The following KAZN variants were observed in gnomAD, a reference collection of about 807,000 sequenced individuals.
The protein encoded by KAZN is kazrin.
Under a neutral mutation model 87.4 loss-of-function variants are expected in KAZN, and 40 were observed. The observed-to-expected ratio is 0.46, with a 90% CI of 0.36 to 0.60. The LOEUF (loss-of-function observed/expected upper bound fraction) is 0.60, where lower values mean the gene tolerates loss of function less well. Ranked by LOEUF, KAZN falls within the 20% of genes least tolerant of loss-of-function variation. The probability of loss-of-function intolerance (pLI) is 0.00; values close to 1 mark genes in which losing one functional copy is unlikely to be tolerated. For missense variants in KAZN, 898 were observed against 1,073.9 expected (o/e 0.84, Z 2.29); for synonymous variants, 466 against 458.3 (o/e 1.02, Z -0.22).
chr1:14,018,124 G>C (rs753767673), intron 1 of KAZN, among the ~76,000 whole-genome samples: 3 of 152,186 alleles, frequency 2.0e-5, no homozygotes, highest in African/African-American at 2.4e-5. Flanking sequence ...AGCTAGCATA[G>C]AGTCACCTTA....
At chr1:14,241,030 A>C (rs1257534113) in intron 2 of KAZN, among the ~76,000 whole-genome samples, 2 of 152,236 alleles carry the variant, frequency 1.3e-5, no homozygotes, top group Admixed American at 1.3e-4. Flanking sequence ...ATGGGATCCC[A>C]CTTCTAAGGT....
chr1:14,918,204 G>C (rs955340538), intron 1 of KAZN, among the ~76,000 whole-genome samples: 4 of 152,160 alleles, frequency 2.6e-5, no homozygotes, highest in Non-Finnish European at 5.9e-5. Context: ...CTAATGAACA[G>C]AATAGGGAGA....
chr1:14,526,832 T>G (rs1178818187), intron 2 of KAZN, among the ~76,000 whole-genome samples: 1 of 152,182 alleles, frequency 6.6e-6, no homozygotes, highest in African/African-American at 2.4e-5. Flanking sequence ...GTATCCATCT[T>G]GAAAGAGATC....
rs562248199 is a variant in KAZN at position 14,321,075 on chromosome 1, G to A, written c.249+140483G>A. ...AACAGTAAAAGTCACAAAAATGTGC[G>A]GTAGCATTTCCTGGCAGCCCCAAGT... On this transcript the variant is annotated intron_variant, in intron 2 of 16. Coordinates refer to the KAZN transcript ENST00000636203. Among the ~76,000 whole-genome samples the A allele has an allele frequency of 1.6e-4, 25 of 152,202 alleles. 1 individual carries two copies. The highest frequency in any genetic ancestry group is 4.6e-4 in the African/African-American group (19 of 41,520).
At chr1:14,067,004 G>A (rs2101540360) in intron 1 of KAZN, among the ~76,000 whole-genome samples, 1 of 152,190 alleles carries the variant, frequency 6.6e-6, no homozygotes, top group East Asian at 1.9e-4. Context: ...CCTATCTCAA[G>A]TAGCTCCCTT....
intron 1 of KAZN, among the ~76,000 whole-genome samples, chr1:14,124,000 C>T (rs1441711579): frequency 6.6e-6 from 1 of 152,214 alleles, no homozygotes; most frequent in Non-Finnish European, 1.5e-5. Context: ...GAGCCCTCCC[C>T]ATTCATTCCG....
At position 14,946,702 on chromosome 1, in the gene KAZN, T is replaced by C. The variant is rs150680279; in HGVS notation, c.227-13982T>C. 3.0e-3 allele frequency among the ~76,000 whole-genome samples: 464 copies of C among 152,294 alleles called. 10 individuals carry two copies. The East Asian group carries it at 0.046, about 15-fold the overall frequency. The stretch of plus-strand genomic sequence containing the variant: ...GCCCCCGTTCACCTACTTCTCCTCT[T>C]AGCAGAATTATTTACATCTGCAGGG... On this transcript the variant is annotated intron_variant, in intron 1 of 14. Transcript: ENST00000376030.
chr1:14,775,924 C>T (rs1430542791), intron 1 of KAZN, among the ~76,000 whole-genome samples: 1 of 152,238 alleles, frequency 6.6e-6, no homozygotes, highest in Non-Finnish European at 1.5e-5. Flanking sequence ...ACCCAGGTCT[C>T]TTCCACATGG....
intron 1 of KAZN, among the ~76,000 whole-genome samples, chr1:14,900,794 G>A (rs1432519053): frequency 2.0e-5 from 3 of 151,560 alleles, no homozygotes; most frequent in Non-Finnish European, 2.9e-5. Context: ...CCACAGAAAG[G>A]ACCTAGCAAG....
intron 2 of KAZN, among the ~76,000 whole-genome samples, chr1:14,571,630 C>G (rs1455405536): frequency 6.6e-6 from 1 of 152,292 alleles, no homozygotes; most frequent in South Asian, 2.1e-4. Context: ...GGAGCGCCCC[C>G]ACTCCATCCC....
At chr1:14,280,687 T>G (rs926696129) in intron 2 of KAZN, among the ~76,000 whole-genome samples, 4 of 152,186 alleles carry the variant, frequency 2.6e-5, no homozygotes, top group African/African-American at 4.8e-5. Flanking sequence ...TTTCTCTTGT[T>G]TCAGCCACCC....
chr1:13,932,258 ATT>A lies in KAZN; in HGVS notation c.91+38521_91+38522del, dbSNP rs1553175095. 6.3e-4 allele frequency among the ~76,000 whole-genome samples: 27 copies of A among 43,104 alleles called. 1 individual carries two copies. Among genetic ancestry groups the A allele is most frequent in the African/African-American group, 1.8e-3 (22 of 12,430 alleles). The allele number at this position is 43,104 out of a possible 152,430, so 28.3% of individuals were successfully genotyped here. ...GGGTACAGTTCTCAGCTTATTAAAC[ATT>A]TTTTTTTTTTTTTTTTTTGAGACGG... is the stretch of plus-strand genomic sequence containing the variant. On this transcript the variant is annotated intron_variant, in intron 1 of 16. Transcript: ENST00000636203.
At chr1:14,756,747 T>C (rs1339178040) in intron 1 of KAZN, among the ~76,000 whole-genome samples, 1 of 152,210 alleles carries the variant, frequency 6.6e-6, no homozygotes, top group Non-Finnish European at 1.5e-5. Context: ...ATTGTGAATA[T>C]AAAGAAGGGA....
At chr1:14,732,676 T>G (rs1335819101) in intron 1 of KAZN, among the ~76,000 whole-genome samples, 3 of 152,170 alleles carry the variant, frequency 2.0e-5, no homozygotes, top group Admixed American at 2.0e-4. Flanking sequence ...ACTTATTTTT[T>G]TTCTTTCAAC....
chr1:14,636,495 T>C (rs936477091), intron 1 of KAZN, among the ~76,000 whole-genome samples: 1 of 152,092 alleles, frequency 6.6e-6, no homozygotes, highest in Non-Finnish European at 1.5e-5. Context: ...CTTAAAACTG[T>C]GTTAATTATG....
intron 1 of KAZN, among the ~76,000 whole-genome samples, chr1:14,739,274 G>A (rs1287364542): frequency 6.6e-6 from 1 of 152,156 alleles, no homozygotes; most frequent in East Asian, 1.9e-4. Context: ...AGTCACAAAT[G>A]GTTTCCATTG....
chr1:14,201,764 G>A lies in KAZN; in HGVS notation c.249+21172G>A, dbSNP rs146925752. Among the ~76,000 whole-genome samples the A allele has an allele frequency of 2.7e-3, 406 of 152,324 alleles. 9 individuals are homozygous for A. The East Asian group carries it at 0.055, about 21-fold the overall frequency. On this transcript the variant is annotated intron_variant, in intron 2 of 16. Coordinates refer to the KAZN transcript ENST00000636203. ...GCTCACTGCAACCTCCGCATCCCAG[G>A]TTGAGGTGATTCTCCTGCCTTAGCC...
In KAZN at chr1:15,114,834, G is replaced by A. The variant is rs760603700; in HGVS notation, c.*199G>A. On this transcript the variant is annotated 3_prime_UTR_variant, in exon 15 of 15. Transcript: ENST00000376030. Reference sequence around the variant, plus strand: ...GAAGACACCAGCCCACCTGTCTTGGGTGGGCCATGGACTTTCCTGTTCAGC... The same window carrying A: ...GAAGACACCAGCCCACCTGTCTTGGATGGGCCATGGACTTTCCTGTTCAGC... 3.0e-4 allele frequency: 160 copies of A among 538,414 alleles called. No individual in the cohort carries two copies. Among genetic ancestry groups the A allele is most frequent in the Middle Eastern group, 5.0e-4 (1 of 2,014 alleles). 33.4% of individuals were successfully genotyped at this position (538,414 alleles called of 1,614,324 possible).
intron 1 of KAZN, among the ~76,000 whole-genome samples, chr1:14,852,793 T>C (rs766754549): frequency 1.3e-5 from 2 of 152,206 alleles, no homozygotes; most frequent in Non-Finnish European, 2.9e-5. Flanking sequence ...TTAGCTTTTA[T>C]TGTGTGTCCT....
Sources: allele counts gnomAD v4.1 joint callset (sites outside exome capture counted in the v4.1 genomes callset), GRCh38; gene constraint gnomAD v4.1.1; transcripts MANE v1.5; gene names NCBI Gene and HGNC (gene_info 2026-07-23, HGNC 2026-07-21).